SH3BGR: variants seen among roughly 807,000 people sequenced by gnomAD.
SH3BGR encodes SH3 domain-binding glutamic acid-rich protein.
A neutral mutation model predicts 24.5 loss-of-function variants in SH3BGR; 29 were observed. The ratio of observed to expected loss-of-function variants is 1.18; its 90% CI spans 0.88 to 1.61. The LOEUF is 1.61. Ranked by LOEUF, SH3BGR falls within the 40% of genes most tolerant of loss-of-function variation. SH3BGR has a pLI of 0.00. For missense variants in SH3BGR, 162 were observed against 205.8 expected, an observed-to-expected ratio of 0.79 and a Z score of 1.30; for synonymous variants, 55 against 65.7, an observed-to-expected ratio of 0.84 and a Z score of 0.79.
intron 3 of SH3BGR, among the ~76,000 whole-genome samples, chr21:39,476,635 T>A (rs969316226): frequency 6.6e-6 from 1 of 152,158 alleles, no homozygotes; most frequent in African/African-American, 2.4e-5. Context: ...TTCTGGAAAG[T>A]TCCCCCATCT....
chr21:39,468,351 C>A (rs894753025), intron 2 of SH3BGR, among the ~76,000 whole-genome samples: 2 of 152,156 alleles, frequency 1.3e-5, no homozygotes, highest in African/African-American at 4.8e-5. Context: ...TATGCACTAT[C>A]CAGTTTAAGA....
intron 2 of SH3BGR, among the ~76,000 whole-genome samples, chr21:39,465,891 G>A (rs2077833629): frequency 6.6e-6 from 1 of 152,106 alleles, no homozygotes; most frequent in African/African-American, 2.4e-5. Flanking sequence ...GTGCCTGGCT[G>A]CCCCATATTT....
chr21:39,459,542 T>A (rs751034893), intron 1 of SH3BGR, among the ~76,000 whole-genome samples: 1 of 151,800 alleles, frequency 6.6e-6, no homozygotes, highest in Non-Finnish European at 1.5e-5. Flanking sequence ...TCTTTCTTTC[T>A]TTTTCTTTCT....
chr21:39,473,599 A>T (rs1193803734), intron 2 of SH3BGR, among the ~76,000 whole-genome samples: 1 of 152,302 alleles, frequency 6.6e-6, no homozygotes, highest in Admixed American at 6.5e-5. Flanking sequence ...AGTAACACAC[A>T]GGAGGCTGGG....
chr21:39,472,819 T>C lies in SH3BGR; in HGVS notation c.232-2316T>C, dbSNP rs139040183. Among the ~76,000 whole-genome samples, 308 of 152,272 alleles carry C rather than the reference T, an allele frequency of 2.0e-3. 3 individuals are homozygous for C. Among genetic ancestry groups the C allele is most frequent in the African/African-American group, 6.7e-3 (280 of 41,542 alleles). ...TGTGTGCTTTATGAAACTCCCCAGC[T>C]TGACGAGGCTCCGGGCTTTATCTAC... On this transcript the variant is annotated intron_variant, in intron 2 of 6. Coordinates refer to ENST00000333634, the MANE Select transcript of SH3BGR (RefSeq NM_007341.3).
chr21:39,498,276 A>G (rs1409388674), intron 3 of SH3BGR, among the ~76,000 whole-genome samples: 5 of 152,124 alleles, frequency 3.3e-5, no homozygotes, highest in Non-Finnish European at 7.4e-5. Flanking sequence ...GGAGGGTGGG[A>G]TTGGAGGGTG....
At chr21:39,494,236 CT>C (rs2078354154) in intron 3 of SH3BGR, among the ~76,000 whole-genome samples, 1 of 149,826 alleles carries the variant, frequency 6.7e-6, no homozygotes, top group Non-Finnish European at 1.5e-5. Context: ...TCTTCCTCTT[CT>C]TCTTCTTCTT....
chr21:39,511,188 GGT>G lies in SH3BGR; in HGVS notation c.436-487_436-486del, dbSNP rs947762112. Among the ~76,000 whole-genome samples, 1 of 150,710 alleles carries G rather than the reference GGT, an allele frequency of 6.6e-6. No homozygotes were observed. Among genetic ancestry groups the G allele is most frequent in the African/African-American group, 2.4e-5 (1 of 40,986 alleles). ...TTTGTGTGTGGTGTATATGGTGTGT[GGT>G]GTGTTTGGTGTGTGTGTGTGTGATG... On this transcript the variant is annotated intron_variant, in intron 5 of 6. Transcript: ENST00000333634. The surrounding 1 kb of genome is among the most constrained non-coding windows in gnomAD (Gnocchi z 4.2).
intron 5 of SH3BGR, among the ~76,000 whole-genome samples, chr21:39,510,027 C>G (rs1282128179): frequency 6.8e-6 from 1 of 148,052 alleles, no homozygotes; most frequent in African/African-American, 2.6e-5. Context: ...ACTGCAAGCT[C>G]CGCCTCCCAG....
rs202004746 is a variant in SH3BGR at position 39,475,185 on chromosome 21, C to T, written c.282C>T (p.Phe94=). 50 of 1,612,120 alleles carry T rather than the reference C, an allele frequency of 3.1e-5. No individual in the cohort carries two copies. Among genetic ancestry groups the T allele is most frequent in the Non-Finnish European group, 4.2e-5 (49 of 1,178,426 alleles). Residue 94 remains phenylalanine (F), a synonymous_variant, in exon 3 of 7, where the codon TTC becomes TTT. Coordinates refer to ENST00000333634, the MANE Select transcript of SH3BGR (RefSeq NM_007341.3). ...AAGAAGAGAATATTATTTATTCCTT[C>T]CTTGGTTTGGCTCCTCCTCCAGACT... The part of the protein sequence containing the change: ...SAKEENIIYS[F]LGLAPPPDSK...
At chr21:39,466,612 A>T (rs1488457286) in intron 2 of SH3BGR, among the ~76,000 whole-genome samples, 1 of 152,226 alleles carries the variant, frequency 6.6e-6, no homozygotes, top group Admixed American at 6.5e-5. Context: ...GGAAGGAAGC[A>T]TGCCCTTCTT....
intron 3 of SH3BGR, among the ~76,000 whole-genome samples, chr21:39,495,989 TAGAA>T (rs1207622104): frequency 1.3e-5 from 2 of 152,050 alleles, no homozygotes; most frequent in African/African-American, 2.4e-5. Flanking sequence ...AAAATATAAG[TAGAA>T]AGAAACAAAA....
intron 2 of SH3BGR, among the ~76,000 whole-genome samples, chr21:39,464,807 C>T (rs868663452): frequency 7.9e-5 from 12 of 152,024 alleles, no homozygotes; most frequent in Admixed American, 4.6e-4. Flanking sequence ...AATTGTGGCT[C>T]TTGTTGGATA....
At chr21:39,512,407 T>C (rs970811278) in intron 6 of SH3BGR, among the ~76,000 whole-genome samples, 1 of 152,198 alleles carries the variant, frequency 6.6e-6, no homozygotes, top group African/African-American at 2.4e-5. Context: ...TCCCTTTAGG[T>C]ATCTTTGACA....
chr21:39,476,770 AG>A (rs1196801825), intron 3 of SH3BGR, among the ~76,000 whole-genome samples: 1 of 152,120 alleles, frequency 6.6e-6, no homozygotes, highest in Non-Finnish European at 1.5e-5. Flanking sequence ...GGGTGGTAGG[AG>A]GGGAGAGTCT....
chr21:39,495,979 A>G (rs1311356734), intron 3 of SH3BGR, among the ~76,000 whole-genome samples: 2 of 152,230 alleles, frequency 1.3e-5, no homozygotes, highest in South Asian at 2.1e-4. Flanking sequence ...AGAATGGATT[A>G]AAATATAAGT....
chr21:39,459,687 T>C (rs1261838897), intron 1 of SH3BGR, among the ~76,000 whole-genome samples: 1 of 152,022 alleles, frequency 6.6e-6, no homozygotes, highest in Non-Finnish European at 1.5e-5. Flanking sequence ...CCACCACACC[T>C]GTCTAATTTT....
upstream of SH3BGR, among the ~76,000 whole-genome samples, chr21:39,450,953 C>G (rs926441748): frequency 9.2e-5 from 14 of 151,924 alleles, no homozygotes; most frequent in African/African-American, 3.4e-4. Flanking sequence ...AATACAGATA[C>G]AGGCGCCTGC....
At chr21:39,467,353 C>G (rs2077861653) in intron 2 of SH3BGR, among the ~76,000 whole-genome samples, 1 of 152,012 alleles carries the variant, frequency 6.6e-6, no homozygotes, top group African/African-American at 2.4e-5. Context: ...AAATATGGAT[C>G]TAATGAAATA....
Sources: gnomAD v4.1 joint callset for allele counts (sites outside exome capture counted in the v4.1 genomes callset) on GRCh38, gnomAD v4.1.1 for gene constraint, Gnocchi (gnomAD v3.1) non-coding constraint, MANE v1.5 for transcripts, NCBI Gene and HGNC (gene_info 2026-07-23, HGNC 2026-07-21) for gene names.